The following FARP1 variants were observed in gnomAD, a reference collection of about 807,000 sequenced individuals.
FARP1 encodes the protein FERM, ARH/RhoGEF and pleckstrin domain protein 1, also known as FERM, ARHGEF and pleckstrin domain-containing protein 1.
A neutral mutation model predicts 128.8 loss-of-function variants in FARP1; 52 were observed. The observed-to-expected ratio is 0.40, with a 90% confidence interval of 0.32 to 0.51. The LOEUF is 0.51. Among genes scored for constraint, FARP1 ranks in the 20% least tolerant of loss-of-function variants. The probability of loss-of-function intolerance (pLI) is 0.45; values close to 1 mark genes in which losing one functional copy is unlikely to be tolerated. For synonymous variants in FARP1, 580 were observed against 551.8 expected (o/e 1.05, Z -0.72); for missense variants, 1,333 against 1,367.9 (o/e 0.97, Z 0.40).
intron 2 of FARP1, among the ~76,000 whole-genome samples, chr13:98,249,867 A>T (rs1369882699): frequency 6.6e-6 from 1 of 151,890 alleles, no homozygotes; most frequent in African/African-American, 2.4e-5. Flanking sequence ...CTGGTTCCCC[A>T]CCTCTCTCCC....
chr13:98,421,663 G>A (rs528709161), intron 16 of FARP1, among the ~76,000 whole-genome samples: 2 of 152,260 alleles, frequency 1.3e-5, no homozygotes, highest in South Asian at 4.1e-4. Context: ...TTCAAGGCCA[G>A]CTTTGACAAA....
chr13:98,293,142 G>T (rs1040413808), intron 2 of FARP1, among the ~76,000 whole-genome samples: 5 of 152,132 alleles, frequency 3.3e-5, no homozygotes, highest in South Asian at 2.1e-4. Context: ...AATGGTGGAT[G>T]ACTGACATTG....
intron 1 of FARP1, among the ~76,000 whole-genome samples, chr13:98,201,102 G>A (rs1196843400): frequency 6.6e-6 from 1 of 152,108 alleles, no homozygotes. Context: ...TTTCCCTGCT[G>A]TATTTTTGTA....
intron 2 of FARP1, among the ~76,000 whole-genome samples, chr13:98,317,513 C>T (rs768461012): frequency 1.6e-4 from 25 of 152,184 alleles, no homozygotes; most frequent in South Asian, 6.2e-4. Flanking sequence ...TTTGTCCTGA[C>T]GACAAAATCC....
intron 26 of FARP1, chr13:98,447,856 AAAAAG>A (rs1320091668): frequency 9.7e-6 from 2 of 206,624 alleles, no homozygotes; most frequent in East Asian, 2.7e-4. Context: ...AAAAAAAAAG[AAAAAG>A]AAAAAAGGAA....
chr13:98,251,267 G>A (rs892429640), intron 2 of FARP1, among the ~76,000 whole-genome samples: 7 of 152,184 alleles, frequency 4.6e-5, no homozygotes, highest in Non-Finnish European at 8.8e-5. Flanking sequence ...TCAGTTAGAC[G>A]GTGGCTAAGG....
chr13:98,177,329 AAAAAGC>A, intron 1 of FARP1: 6 of 1,033,944 alleles, frequency 5.8e-6, no homozygotes, highest in Non-Finnish European at 8.1e-6. Context: ...TCCCAGTTCT[AAAAAGC>A]AAAAGCAAGT....
chr13:98,431,495 T>G, intron 18 of FARP1: 2 of 452,384 alleles, frequency 4.4e-6, no homozygotes, highest in Middle Eastern at 6.0e-4. Flanking sequence ...TGAGTCTCAC[T>G]CTGTCGCCCA....
intron 2 of FARP1, among the ~76,000 whole-genome samples, chr13:98,230,489 T>C (rs544701438): frequency 5.9e-5 from 9 of 152,316 alleles, no homozygotes; most frequent in Admixed American, 5.9e-4. Flanking sequence ...TTAAGAACCT[T>C]TGCATTGTAA....
intron 1 of FARP1, among the ~76,000 whole-genome samples, chr13:98,159,945 A>C (rs1483341423): frequency 6.6e-6 from 1 of 152,190 alleles, no homozygotes; most frequent in African/African-American, 2.4e-5. Flanking sequence ...AGACGATTTC[A>C]TCATCATTTT....
Position 98,324,492 on chromosome 13 carries a change from C to T in FARP1, c.172-19270C>T, listed in dbSNP as rs546477564. ...TGATCCATCAGTTCAGTCTAAAGAG[C>T]GTGTTGGAATCATGATTTGATATTT... On this transcript the variant is annotated intron_variant, in intron 2 of 26. Transcript: ENST00000319562. 2.5e-4 allele frequency among the ~76,000 whole-genome samples: 38 copies of T among 152,130 alleles called. 1 individual carries two copies. The East Asian group carries it at 6.0e-3, about 24-fold the overall frequency.
chr13:98,197,589 T>G (rs544958250), intron 1 of FARP1, among the ~76,000 whole-genome samples: 9 of 152,276 alleles, frequency 5.9e-5, no homozygotes, highest in Middle Eastern at 3.4e-3. Context: ...TGTCCAAAAC[T>G]TCAGCAGAAA....
chr13:98,187,725 G>C (rs1878970362), intron 1 of FARP1, among the ~76,000 whole-genome samples: 1 of 152,208 alleles, frequency 6.6e-6, no homozygotes, highest in Non-Finnish European at 1.5e-5. Context: ...ACCATATGGA[G>C]CTGGAGACTA....
intron 1 of FARP1, among the ~76,000 whole-genome samples, chr13:98,144,339 A>T (rs1875346951): frequency 6.6e-6 from 1 of 151,904 alleles, no homozygotes; most frequent in South Asian, 2.1e-4. Context: ...GAAAGGAGGG[A>T]GCTGAGGCTC....
rs1439301141 is a variant in FARP1, at chr13:98,446,819, T to A, written c.3056+2T>A. On this transcript the variant is annotated splice_donor_variant, in intron 26 of 26. Transcript: ENST00000319562. LOFTEE classifies it high-confidence loss of function. ...GGAAAGCGAGTACACGTTCGAAAGG[T>A]AGACACCCCCTTCCCACGCACAGGG... 6.2e-7 allele frequency: 1 copy of A among 1,613,724 alleles called. No individual in the cohort carries two copies.
intron 5 of FARP1, among the ~76,000 whole-genome samples, chr13:98,376,015 T>C (rs1889565566): frequency 6.6e-6 from 1 of 152,196 alleles, no homozygotes; most frequent in African/African-American, 2.4e-5. Context: ...TCTAAAAATC[T>C]ATGAGTTTGT....
At chr13:98,183,368 T>C (rs1878656295) in intron 1 of FARP1, among the ~76,000 whole-genome samples, 1 of 152,190 alleles carries the variant, frequency 6.6e-6, no homozygotes, top group Non-Finnish European at 1.5e-5. Context: ...GAACTTCATA[T>C]CTAGTCTCTG....
At chr13:98,262,170 C>T (rs1316823817) in intron 2 of FARP1, among the ~76,000 whole-genome samples, 3 of 150,790 alleles carry the variant, frequency 2.0e-5, no homozygotes, top group Middle Eastern at 3.4e-3. Context: ...TGTGTGCTAC[C>T]GCGCCCTGCT....
intron 2 of FARP1, among the ~76,000 whole-genome samples, chr13:98,288,132 G>A (rs1433348118): frequency 6.6e-6 from 1 of 152,104 alleles, no homozygotes; most frequent in African/African-American, 2.4e-5. Context: ...GGAATACATG[G>A]GTGAACAAAA....
Sources: allele counts gnomAD v4.1 joint callset (sites outside exome capture counted in the v4.1 genomes callset), GRCh38; gene constraint gnomAD v4.1.1; transcripts MANE v1.5; gene names NCBI Gene and HGNC (gene_info 2026-07-23, HGNC 2026-07-21).